The following HDAC9 variants were observed in gnomAD, a reference collection of about 807,000 sequenced individuals.
HDAC9 encodes the protein histone deacetylase 9.
HDAC9 carries 41 observed loss-of-function variants against 139.4 expected under a neutral mutation model. The observed-to-expected ratio is 0.29, with a 90% CI of 0.23 to 0.38. The LOEUF (loss-of-function observed/expected upper bound fraction) is 0.38, where lower values mean the gene tolerates loss of function less well. Ranked by LOEUF, HDAC9 falls within the 10% of genes least tolerant of loss-of-function variation. HDAC9 has a pLI of 1.00. For synonymous variants in HDAC9, 517 were observed against 476.2 expected, an observed-to-expected ratio of 1.09 and a Z score of -1.12; for missense variants, 1,147 against 1,297.0, an observed-to-expected ratio of 0.88 and a Z score of 1.78.
At position 18,563,747 on chromosome 7, in the gene HDAC9, A is replaced by AT. The variant is rs569882577; in HGVS notation, c.23-21525dup. Among the ~76,000 whole-genome samples, 1,019 of 147,268 alleles carry AT rather than the reference A, an allele frequency of 6.9e-3. 11 individuals are homozygous for AT. The highest frequency in any genetic ancestry group is 0.024 in the African/African-American group (955 of 39,556). ...CCAACCCCCCCCATGAACTTAGATT[A>AT]TTTTTTTTTATTATACTTTAAGTTC... On this transcript the variant is annotated intron_variant, in intron 2 of 25. Coordinates refer to ENST00000686413, the MANE Select transcript of HDAC9 (RefSeq NM_178425.4).
chr7:18,977,936 ACACAC>A lies in HDAC9; in HGVS notation c.3170+1984_3170+1988del, dbSNP rs1393800880. On this transcript the variant is annotated intron_variant, in intron 25 of 25. Coordinates refer to ENST00000686413, the MANE Select transcript of HDAC9 (RefSeq NM_178425.4). ...GACAGACAGACACACACACACACAC[ACACAC>A]ACACACACACACACACACAGAAAGA... Among the ~76,000 whole-genome samples, 144 of 151,218 alleles carry A rather than the reference ACACAC, an allele frequency of 9.5e-4. 1 individual carries two copies. Among genetic ancestry groups the A allele is most frequent in the African/African-American group, 3.3e-3 (134 of 41,144 alleles).
intron 6 of HDAC9, among the ~76,000 whole-genome samples, chr7:18,598,296 T>A (rs1397406921): frequency 1.3e-5 from 2 of 152,214 alleles, no homozygotes. Flanking sequence ...CACTGGAGCA[T>A]TTTTATATAG....
At chr7:18,588,273 C>T (rs1476745696) in intron 3 of HDAC9, among the ~76,000 whole-genome samples, 1 of 151,976 alleles carries the variant, frequency 6.6e-6, no homozygotes, top group African/African-American at 2.4e-5. Flanking sequence ...ATGTAAAAAA[C>T]AAAATTTACT....
At chr7:18,240,793 A>G (rs1395201122) in intron 2 of HDAC9, among the ~76,000 whole-genome samples, 1 of 151,986 alleles carries the variant, frequency 6.6e-6, no homozygotes, top group Non-Finnish European at 1.5e-5. Flanking sequence ...TGTTCATTCT[A>G]CTCCACACTG....
chr7:18,746,421 C>A (rs1787981924), intron 13 of HDAC9, among the ~76,000 whole-genome samples: 1 of 152,090 alleles, frequency 6.6e-6, no homozygotes, highest in Non-Finnish European at 1.5e-5. Context: ...TTCCTTCTGA[C>A]TTTATTTAAA....
At position 18,388,789 on chromosome 7, in the gene HDAC9, T is replaced by C. The variant is rs554804165; in HGVS notation, c.-42+98274T>C. Among the ~76,000 whole-genome samples, 267 of 152,338 alleles carry C rather than the reference T, an allele frequency of 1.8e-3. 1 individual carries two copies. Among genetic ancestry groups the C allele is most frequent in the African/African-American group, 5.9e-3 (245 of 41,578 alleles). On this transcript the variant is annotated intron_variant, in intron 1 of 3. Transcript: ENST00000413509. ...ATTTTTGTTACAGAACTAAGTCTTT[T>C]GTGAATTGGGAATTTTAATGGAATT...
At chr7:18,298,384 C>T (rs138995679) in intron 1 of HDAC9, among the ~76,000 whole-genome samples, 1,592 of 151,992 alleles carry the variant, frequency 0.01, 11 homozygotes, top group Middle Eastern at 0.041. Context: ...GCGCTACACC[C>T]AGTAACTCGT....
intron 1 of HDAC9, among the ~76,000 whole-genome samples, chr7:18,465,384 C>T (rs566182916): frequency 6.6e-6 from 1 of 152,024 alleles, no homozygotes; most frequent in African/African-American, 2.4e-5. Flanking sequence ...TGCTTACTTT[C>T]CCCACAAAGT....
At chr7:18,531,512 C>CT (rs1308664832) in intron 2 of HDAC9, among the ~76,000 whole-genome samples, 19 of 151,852 alleles carry the variant, frequency 1.3e-4, no homozygotes, top group African/African-American at 3.6e-4. Context: ...TTGAAAAAAA[C>CT]TTTAAGTTTT....
intron 1 of HDAC9, among the ~76,000 whole-genome samples, chr7:18,417,338 A>G (rs549345264): frequency 1.3e-5 from 2 of 152,196 alleles, no homozygotes; most frequent in Non-Finnish European, 2.9e-5. Context: ...TACAGTTTCA[A>G]TAACTGTCTT....
chr7:18,203,807 G>A (rs1224038267), intron 2 of HDAC9, among the ~76,000 whole-genome samples: 1 of 152,196 alleles, frequency 6.6e-6, no homozygotes, highest in Admixed American at 6.5e-5. Context: ...GGCTGATCTG[G>A]TAGAGTTGTG....
At chr7:18,509,658 C>T (rs117340057) in intron 2 of HDAC9, among the ~76,000 whole-genome samples, 4 of 152,280 alleles carry the variant, frequency 2.6e-5, no homozygotes, top group Non-Finnish European at 5.9e-5. Context: ...AATTCTCTTA[C>T]AAGCCCAATG....
chr7:18,540,898 C>T lies in HDAC9; in HGVS notation c.23-44383C>T, dbSNP rs556767740. On this transcript the variant is annotated intron_variant, in intron 2 of 25. Transcript: ENST00000686413. Reference sequence around the variant, plus strand: ...TACATATGTTAACCTACATGATTCTCGTAAGAATTTTAGAAGATAGATACT... The same window carrying T: ...TACATATGTTAACCTACATGATTCTTGTAAGAATTTTAGAAGATAGATACT... Among the ~76,000 whole-genome samples the T allele has an allele frequency of 4.6e-5, 7 of 152,200 alleles. No homozygotes were observed. The South Asian group carries it at 6.2e-4, about 14-fold the overall frequency.
chr7:18,759,523 G>A (rs571752268), intron 14 of HDAC9, among the ~76,000 whole-genome samples: 25 of 151,924 alleles, frequency 1.6e-4, no homozygotes, highest in Admixed American at 2.0e-4. Flanking sequence ...AGGAAAGCAA[G>A]CTTAGGGCTC....
chr7:18,774,432 C>A (rs1790581548), intron 16 of HDAC9, among the ~76,000 whole-genome samples: 2 of 151,960 alleles, frequency 1.3e-5, no homozygotes, highest in Non-Finnish European at 2.9e-5. Flanking sequence ...AGTTCCAGAG[C>A]AACACAGTAA....
chr7:18,769,173 C>T (rs1239022259), intron 16 of HDAC9, among the ~76,000 whole-genome samples: 1 of 152,158 alleles, frequency 6.6e-6, no homozygotes, highest in East Asian at 1.9e-4. Flanking sequence ...ACTCACCTCC[C>T]AAATCTGACC....
intron 2 of HDAC9, among the ~76,000 whole-genome samples, chr7:18,176,586 A>T (rs764440332): frequency 1.3e-5 from 2 of 152,180 alleles, no homozygotes; most frequent in African/African-American, 4.8e-5. Flanking sequence ...TTATAATTAG[A>T]GATTTTTTTA....
intron 22 of HDAC9, among the ~76,000 whole-genome samples, chr7:18,896,816 C>G (rs999649572): frequency 3.3e-5 from 5 of 152,034 alleles, no homozygotes; most frequent in African/African-American, 9.7e-5. Flanking sequence ...AGAACATTGT[C>G]TCAGACCCAA....
intron 12 of HDAC9, among the ~76,000 whole-genome samples, chr7:18,672,528 C>G (rs1330125533): frequency 2.0e-5 from 3 of 151,808 alleles, no homozygotes; most frequent in African/African-American, 7.3e-5. Flanking sequence ...CTTAAGTGTT[C>G]TTTGATGCAC....
Sources: gnomAD v4.1 joint callset for allele counts (sites outside exome capture counted in the v4.1 genomes callset) on GRCh38, gnomAD v4.1.1 for gene constraint, MANE v1.5 for transcripts, NCBI Gene and HGNC (gene_info 2026-07-23, HGNC 2026-07-21) for gene names.